The following IGF1R variants were observed in gnomAD, a reference collection of about 807,000 sequenced individuals.
The protein encoded by IGF1R is insulin-like growth factor 1 receptor.
Under a neutral mutation model 144.6 loss-of-function variants are expected in IGF1R, and 44 were observed. The observed-to-expected ratio is 0.30, with a 90% confidence interval of 0.24 to 0.39. The LOEUF is 0.39. Ranked by LOEUF, IGF1R falls within the 10% of genes least tolerant of loss-of-function variation. The pLI, the probability that IGF1R is intolerant of heterozygous loss-of-function variation, is 1.00. For missense variants in IGF1R, 1,355 were observed against 1,833.7 expected (o/e 0.74, Z 4.77); for synonymous variants, 795 against 722.8 (o/e 1.10, Z -1.60).
chr15:98,763,748 A>C (rs1361792292), intron 2 of IGF1R, among the ~76,000 whole-genome samples: 2 of 152,160 alleles, frequency 1.3e-5, no homozygotes, highest in Non-Finnish European at 2.9e-5. Flanking sequence ...CTTAGACTGG[A>C]AAGTCGTTCA....
At chr15:98,866,317 C>T (rs942946860) in intron 2 of IGF1R, among the ~76,000 whole-genome samples, 4 of 152,212 alleles carry the variant, frequency 2.6e-5, no homozygotes, top group African/African-American at 9.7e-5. Flanking sequence ...AAATCTGCAG[C>T]ACGCTGCTTT....
rs2017104846 is a variant in IGF1R, at chr15:98,958,580, G to A, written c.*1138G>A. 4.3e-6 allele frequency: 1 copy of A among 232,774 alleles called. No individual in the cohort carries two copies. The highest frequency in any genetic ancestry group is 8.5e-6 in the Non-Finnish European group (1 of 117,564). The allele number at this position is 232,774 out of a possible 1,614,324, so 14.4% of individuals were successfully genotyped here. ...TTTGTTGACATTTTCTCTGTTCCTA[G>A]GACTTCTTCATGGGTCTTACAGTTC... On this transcript the variant is annotated 3_prime_UTR_variant, in exon 21 of 21. Coordinates refer to ENST00000650285, the MANE Select transcript of IGF1R (RefSeq NM_000875.5).
intron 20 of IGF1R, among the ~76,000 whole-genome samples, chr15:98,951,766 C>CT (rs1487230649): frequency 6.6e-6 from 1 of 151,266 alleles, no homozygotes; most frequent in Non-Finnish European, 1.5e-5. Flanking sequence ...GCTGGCTTCT[C>CT]TGAGTGCAGA....
chr15:98,661,593 G>C (rs1011494114), intron 1 of IGF1R, among the ~76,000 whole-genome samples: 2 of 151,802 alleles, frequency 1.3e-5, no homozygotes, highest in African/African-American at 4.9e-5. Context: ...GCCTGTCTTT[G>C]CTCTGCTCTT....
chr15:98,939,813 G>A (rs531248393), intron 18 of IGF1R, among the ~76,000 whole-genome samples: 94 of 152,348 alleles, frequency 6.2e-4, no homozygotes, highest in African/African-American at 2.2e-3. Context: ...TAATGACGAA[G>A]CCTCTGCACG....
At chr15:98,772,177 T>C (rs1422585867) in intron 2 of IGF1R, among the ~76,000 whole-genome samples, 1 of 152,126 alleles carries the variant, frequency 6.6e-6, no homozygotes, top group African/African-American at 2.4e-5. Context: ...CATTTGAAAA[T>C]TTCTGAAAAC....
intron 17 of IGF1R, among the ~76,000 whole-genome samples, chr15:98,936,614 ATTTTT>A (rs11379462): frequency 7.0e-6 from 1 of 142,544 alleles, no homozygotes; most frequent in East Asian, 2.0e-4. Flanking sequence ...TTTGGGCTTA[ATTTTT>A]TTTTTTTTTT....
chr15:98,685,529 G>A (rs1333586803), intron 1 of IGF1R, among the ~76,000 whole-genome samples: 2 of 152,168 alleles, frequency 1.3e-5, no homozygotes, highest in African/African-American at 4.8e-5. Flanking sequence ...CTGTTAGCCA[G>A]CTGGGCACCT....
At chr15:98,771,116 T>C (rs1217976045) in intron 2 of IGF1R, among the ~76,000 whole-genome samples, 1 of 152,168 alleles carries the variant, frequency 6.6e-6, no homozygotes, top group Non-Finnish European at 1.5e-5. Flanking sequence ...TGGAATCTAA[T>C]GGGGTCTTCA....
intron 1 of IGF1R, among the ~76,000 whole-genome samples, chr15:98,684,419 T>G (rs1319863): frequency 1 from 141,265 of 141,276 alleles, 70,627 homozygotes; most frequent in Non-Finnish European, 1. Flanking sequence ...GTGGGGGGTG[T>G]GGGCGGATGA....
At chr15:98,798,010 C>G (rs2056286591) in intron 2 of IGF1R, among the ~76,000 whole-genome samples, 1 of 152,174 alleles carries the variant, frequency 6.6e-6, no homozygotes, top group South Asian at 2.1e-4. Flanking sequence ...GTGGTAGGCC[C>G]CAGCGAGGGA....
At chr15:98,773,366 A>C (rs1354398887) in intron 2 of IGF1R, among the ~76,000 whole-genome samples, 1 of 152,232 alleles carries the variant, frequency 6.6e-6, no homozygotes, top group African/African-American at 2.4e-5. Context: ...AGGCATCTGC[A>C]AACATTAATG....
At chr15:98,879,323 C>G (rs2037448) in intron 2 of IGF1R, among the ~76,000 whole-genome samples, 1 of 152,004 alleles carries the variant, frequency 6.6e-6, no homozygotes, top group African/African-American at 2.4e-5. Context: ...GGCCAAATTC[C>G]GCCCCCAGCC....
At chr15:98,879,677 C>A (rs1458877007) in intron 2 of IGF1R, among the ~76,000 whole-genome samples, 1 of 152,146 alleles carries the variant, frequency 6.6e-6, no homozygotes, top group Non-Finnish European at 1.5e-5. Flanking sequence ...GGGCCTCTCT[C>A]CACCAACCTG....
chr15:98,726,564 GAA>G (rs2054365509), intron 2 of IGF1R, among the ~76,000 whole-genome samples: 1 of 152,092 alleles, frequency 6.6e-6, no homozygotes, highest in African/African-American at 2.4e-5. Flanking sequence ...ACTCTTATGA[GAA>G]AGGAAAGATG....
chr15:98,687,660 C>G (rs1027306776), intron 1 of IGF1R, among the ~76,000 whole-genome samples: 5 of 152,070 alleles, frequency 3.3e-5, no homozygotes, highest in Admixed American at 6.5e-5. Context: ...CAGCCCCCAG[C>G]GAGATGCTGT....
chr15:98,755,642 C>T (rs1304323166), intron 2 of IGF1R, among the ~76,000 whole-genome samples: 1 of 133,538 alleles, frequency 7.5e-6, no homozygotes, highest in African/African-American at 2.7e-5. Flanking sequence ...TTGCTTGAAC[C>T]CAGGAGGCGG....
chr15:98,870,139 T>C (rs1339344683), intron 2 of IGF1R, among the ~76,000 whole-genome samples: 1 of 152,244 alleles, frequency 6.6e-6, no homozygotes, highest in Non-Finnish European at 1.5e-5. Context: ...ACCGTTTTTA[T>C]GTGTACAGTT....
At chr15:98,818,748 C>G (rs1205410787) in intron 2 of IGF1R, among the ~76,000 whole-genome samples, 1 of 151,106 alleles carries the variant, frequency 6.6e-6, no homozygotes. Flanking sequence ...CCACCCACCC[C>G]GCCCCCTAGT....
Sources: gnomAD v4.1 joint callset for allele counts (sites outside exome capture counted in the v4.1 genomes callset) on GRCh38, gnomAD v4.1.1 for gene constraint, MANE v1.5 for transcripts, NCBI Gene and HGNC (gene_info 2026-07-23, HGNC 2026-07-21) for gene names.